The following VPS41 variants were observed in gnomAD, a reference collection of about 807,000 sequenced individuals.
VPS41 encodes the protein vacuolar protein sorting-associated protein 41 homolog.
VPS41 carries 85 observed loss-of-function variants against 130.9 expected under a neutral mutation model. That is an observed-to-expected ratio of 0.65 (90% CI 0.55 to 0.78). The LOEUF (loss-of-function observed/expected upper bound fraction) is 0.78. Among genes scored for constraint, VPS41 ranks in the 30% least tolerant of loss-of-function variants. The pLI, the probability that VPS41 is intolerant of heterozygous loss-of-function variation, is 0.00. For synonymous variants in VPS41, 335 were observed against 332.9 expected, an observed-to-expected ratio of 1.01 and a Z score of -0.07; for missense variants, 874 against 1,018.7, an observed-to-expected ratio of 0.86 and a Z score of 1.93.
chr7:38,845,771 T>C (rs1050904201), intron 4 of VPS41, among the ~76,000 whole-genome samples: 15 of 152,352 alleles, frequency 9.8e-5, no homozygotes, highest in African/African-American at 3.6e-4. Context: ...GCACCTGCTA[T>C]ACACCAAACA....
In VPS41 at chr7:38,735,533, GTGTC is replaced by G. The variant is rs1192895772; in HGVS notation, c.2259+6448_2259+6451del. 1.1e-4 allele frequency among the ~76,000 whole-genome samples: 17 copies of G among 152,246 alleles called. No individual in the cohort carries two copies. The East Asian group carries it at 3.3e-3, about 29-fold the overall frequency. On this transcript the variant is annotated intron_variant, in intron 25 of 28. Coordinates refer to ENST00000310301, the MANE Select transcript of VPS41 (RefSeq NM_014396.4). The stretch of plus-strand genomic sequence containing the variant: ...TACATGTGTATATGTGTATGTGTGT[GTGTC>G]TGTGTGTATGGTGTGCGTAGTTTAA...
chr7:38,851,337 CTCCAGGCAACCACTGATCTGCT>C (rs1420343917), intron 4 of VPS41, among the ~76,000 whole-genome samples: 1 of 152,196 alleles, frequency 6.6e-6, no homozygotes, highest in East Asian at 1.9e-4. Flanking sequence ...TGAGATGAAA[CTCCAGGCAACCACTGATCTGCT>C]TTCTTTGACT....
Position 38,894,677 on chromosome 7 carries a change from G to A in VPS41, c.60+3414C>T, listed in dbSNP as rs377284481. On this transcript the variant is annotated intron_variant, in intron 2 of 28. Coordinates refer to ENST00000310301, the MANE Select transcript of VPS41 (RefSeq NM_014396.4). ...CAACAAGACCCATTTTTCACACGAG[G>A]AAACTGAAGAATACAGGAGGTAAGT... Among the ~76,000 whole-genome samples the A allele has an allele frequency of 2.6e-4, 40 of 152,078 alleles. 1 individual carries two copies. Among genetic ancestry groups the A allele is most frequent in the African/African-American group, 8.2e-4 (34 of 41,418 alleles).
chr7:38,851,305 A>T (rs1176492399), intron 4 of VPS41, among the ~76,000 whole-genome samples: 1 of 152,222 alleles, frequency 6.6e-6, no homozygotes, highest in African/African-American at 2.4e-5. Context: ...ATTACCCCAT[A>T]GGGCATTTAA....
intron 4 of VPS41, among the ~76,000 whole-genome samples, chr7:38,855,526 A>G (rs1402598587): frequency 6.6e-6 from 1 of 152,196 alleles, no homozygotes; most frequent in Non-Finnish European, 1.5e-5. Flanking sequence ...TGAAACCATC[A>G]TCACTCACAG....
intron 7 of VPS41, among the ~76,000 whole-genome samples, chr7:38,801,788 A>G (rs1400192121): frequency 6.6e-6 from 1 of 152,242 alleles, no homozygotes; most frequent in Non-Finnish European, 1.5e-5. Flanking sequence ...TTAAATACTA[A>G]GTAGGCTATC....
intron 1 of VPS41, among the ~76,000 whole-genome samples, chr7:38,898,510 A>G (rs1787064435): frequency 6.6e-6 from 1 of 152,212 alleles, no homozygotes; most frequent in Non-Finnish European, 1.5e-5. Context: ...TTTATACTGA[A>G]AAGTTCTTGT....
At chr7:38,906,247 T>C (rs1252960040) in intron 1 of VPS41, among the ~76,000 whole-genome samples, 1 of 152,146 alleles carries the variant, frequency 6.6e-6, no homozygotes, top group Non-Finnish European at 1.5e-5. Context: ...AGGATAAGAT[T>C]AGGTACAATT....
At chr7:38,745,766 T>C (rs985352672) in intron 22 of VPS41, 153 bp from the exon 23 acceptor site, 2 of 656,312 alleles carry the variant, frequency 3.0e-6, no homozygotes, top group African/African-American at 1.9e-5. Flanking sequence ...CTCCCTAGAA[T>C]AGCTGCACTC....
intron 1 of VPS41, among the ~76,000 whole-genome samples, chr7:38,898,858 G>A (rs1026792831): frequency 3.3e-5 from 5 of 152,126 alleles, no homozygotes; most frequent in Non-Finnish European, 5.9e-5. Flanking sequence ...TTTACTTAAC[G>A]TACTTATAGA....
chr7:38,796,732 G>A lies in VPS41; in HGVS notation c.570+13C>T, dbSNP rs372330166. Reference sequence around the variant, plus strand: ...CTGAACAAGCATTAGGAAGACAGAGGCATATTTTTTACCATATTATTGGCC... The same window carrying A: ...CTGAACAAGCATTAGGAAGACAGAGACATATTTTTTACCATATTATTGGCC... On this transcript the variant is annotated intron_variant, in intron 8 of 28. Coordinates refer to ENST00000310301, the MANE Select transcript of VPS41 (RefSeq NM_014396.4). 1 of 1,613,374 alleles carries A rather than the reference G, an allele frequency of 6.2e-7. No individual in the cohort carries two copies. The highest frequency in any genetic ancestry group is 8.5e-7 in the Non-Finnish European group (1 of 1,179,610).
chr7:38,827,314 C>G (rs1477768258), intron 5 of VPS41, among the ~76,000 whole-genome samples: 1 of 152,090 alleles, frequency 6.6e-6, no homozygotes, highest in African/African-American at 2.4e-5. Context: ...CCTGACTACA[C>G]AGAAATAAAA....
intron 4 of VPS41, among the ~76,000 whole-genome samples, chr7:38,842,006 C>T (rs1410536425): frequency 6.6e-6 from 1 of 152,234 alleles, no homozygotes; most frequent in Admixed American, 6.5e-5. Context: ...CTCTTTAGAG[C>T]TGCATATTCA....
At chr7:38,906,730 G>C (rs979797753) in intron 1 of VPS41, among the ~76,000 whole-genome samples, 13 of 152,144 alleles carry the variant, frequency 8.5e-5, no homozygotes, top group Admixed American at 7.9e-4. Flanking sequence ...AAGTGGAATG[G>C]TGGCTTGAGG....
chr7:38,799,242 A>T (rs1412177277), intron 7 of VPS41, among the ~76,000 whole-genome samples: 1 of 152,228 alleles, frequency 6.6e-6, no homozygotes, highest in Non-Finnish European at 1.5e-5. Flanking sequence ...AAAACAAAAG[A>T]ACTTAAAAGT....
rs562963218 is a variant in VPS41, at chr7:38,724,169, T to C, written c.*2077A>G. 2.0e-5 allele frequency: 3 copies of C among 152,388 alleles called. No homozygotes were observed. The highest frequency in any genetic ancestry group is 4.1e-4 in the South Asian group (2 of 4,832). 9.4% of individuals were successfully genotyped at this position (152,388 alleles called of 1,614,324 possible). A position where few individuals can be genotyped will look rare whatever the true frequency, so the allele number is the denominator to read the frequency against. ...TTTTCTATAAGTAGGATTTTCTTTA[T>C]GTCCAAATAGGACTTGGTAACTAGG... On this transcript the variant is annotated 3_prime_UTR_variant, in exon 29 of 29. Coordinates refer to ENST00000310301, the MANE Select transcript of VPS41 (RefSeq NM_014396.4).
chr7:38,769,446 G>A (rs2115828115), intron 14 of VPS41, among the ~76,000 whole-genome samples: 1 of 152,342 alleles, frequency 6.6e-6, no homozygotes. Context: ...AATGTGTCCT[G>A]TGCAGAAACT....
chr7:38,849,549 G>A (rs970131151), intron 4 of VPS41, among the ~76,000 whole-genome samples: 8 of 152,154 alleles, frequency 5.3e-5, no homozygotes, highest in South Asian at 2.1e-4. Context: ...TCAGTAGCCC[G>A]GCCTCTCCTC....
rs1255153601 is a variant in VPS41, at chr7:38,795,492, C to T, written c.690G>A (p.Leu230=). The stretch of plus-strand genomic sequence containing the variant: ...TGACAGAAGTCCCCCAGCCAATAAT[C>T]AGTGTCACATTGTCCTTCCAGCAGA... The part of the protein sequence containing the change: ...CSLCWKDNVT[L]IIGWGTSVKV... The change falls in exon 9 of 29, where the codon CTG becomes CTA. Residue 230 remains leucine (L), a synonymous_variant. Transcript: ENST00000310301. 6.2e-7 allele frequency: 1 copy of T among 1,612,066 alleles called. No homozygotes were observed. The highest frequency in any genetic ancestry group is 1.3e-5 in the African/African-American group (1 of 74,798).
Sources: allele counts gnomAD v4.1 joint callset (sites outside exome capture counted in the v4.1 genomes callset), GRCh38; gene constraint gnomAD v4.1.1; transcripts MANE v1.5; gene names NCBI Gene and HGNC (gene_info 2026-07-23, HGNC 2026-07-21).